EYS: variants seen among roughly 807,000 people sequenced by gnomAD.
EYS encodes EGF-like photoreceptor maintenance factor.
In EYS, 250 loss-of-function variants were observed where a neutral mutation model predicts 282.1. The observed-to-expected ratio is 0.89, with a 90% CI of 0.80 to 0.98. EYS has a LOEUF of 0.98. Ranked by LOEUF, EYS falls within the 50% of genes least tolerant of loss-of-function variation. The pLI is 0.00. For synonymous variants in EYS, 1,355 were observed against 1,282.9 expected (o/e 1.06, Z -1.20); for missense variants, 4,016 against 3,709.0 (o/e 1.08, Z -2.15).
At chr6:64,466,201 G>A (rs1392468132) in intron 26 of EYS, among the ~76,000 whole-genome samples, 1 of 151,872 alleles carries the variant, frequency 6.6e-6, no homozygotes, top group East Asian at 1.9e-4. Flanking sequence ...GGTTCCTCAA[G>A]AAAATAAAAA....
rs1452834451 is a variant in EYS at position 63,753,649 on chromosome 6, G to T, written c.8071+8812C>A. On this transcript the variant is annotated intron_variant, in intron 41 of 42. Coordinates refer to ENST00000503581, the MANE Select transcript of EYS (RefSeq NM_001142800.2). ...TAGCATGGGGAAAACTGCCCCACAT[G>T]ATCCAATCCCCTCCCTCCCTCTAGA... is the stretch of plus-strand genomic sequence containing the variant. Among the ~76,000 whole-genome samples the T allele has an allele frequency of 2.6e-5, 4 of 152,124 alleles. No homozygotes were observed. The East Asian group carries it at 7.7e-4, about 29-fold the overall frequency.
At chr6:63,732,296 T>C (rs1768801234) in intron 41 of EYS, among the ~76,000 whole-genome samples, 1 of 152,156 alleles carries the variant, frequency 6.6e-6, no homozygotes, top group African/African-American at 2.4e-5. Flanking sequence ...TACATATTTT[T>C]TATATAACAA....
intron 12 of EYS, among the ~76,000 whole-genome samples, chr6:65,071,862 T>C (rs534397546): frequency 1.1e-4 from 17 of 151,896 alleles, no homozygotes; most frequent in African/African-American, 4.1e-4. Flanking sequence ...GATGTTTAGG[T>C]TATGAGGTCT....
intron 2 of EYS, among the ~76,000 whole-genome samples, chr6:65,543,445 A>G (rs1213450423): frequency 6.7e-6 from 1 of 148,192 alleles, no homozygotes; most frequent in Non-Finnish European, 1.5e-5. Context: ...ATTATATATT[A>G]TGTATACTAT....
rs375857767 is a variant in EYS, at chr6:65,318,013, G to A, written c.1766+16967C>T. Among the ~76,000 whole-genome samples, 30 of 150,670 alleles carry A rather than the reference G, an allele frequency of 2.0e-4. No individual in the cohort carries two copies. The East Asian group carries it at 5.1e-3, about 26-fold the overall frequency. ...CTCCAGAGTAGCTGGGATGACAGGC[G>A]CCCGCCACCACGCCCAGCTAATTTT... On this transcript the variant is annotated intron_variant, in intron 11 of 42. Coordinates refer to ENST00000503581, the MANE Select transcript of EYS (RefSeq NM_001142800.2).
chr6:63,752,697 G>T (rs149531345), intron 41 of EYS, among the ~76,000 whole-genome samples: 1 of 151,552 alleles, frequency 6.6e-6, no homozygotes, highest in Non-Finnish European at 1.5e-5. Context: ...GGGTTTCACC[G>T]TGTTACCCAG....
chr6:65,266,112 G>C (rs1419039310), intron 12 of EYS, among the ~76,000 whole-genome samples: 1 of 151,834 alleles, frequency 6.6e-6, no homozygotes, highest in Non-Finnish European at 1.5e-5. Flanking sequence ...TGATAATATA[G>C]AGAGAATTTT....
At chr6:63,908,034 GTT>G (rs1562090543) in intron 35 of EYS, among the ~76,000 whole-genome samples, 3 of 43,260 alleles carry the variant, frequency 6.9e-5, no homozygotes, top group Non-Finnish European at 1.2e-4. Flanking sequence ...ATATATATAC[GTT>G]TGTGTGTGTG....
At chr6:64,802,274 A>G (rs1438121316) in intron 22 of EYS, among the ~76,000 whole-genome samples, 2 of 151,688 alleles carry the variant, frequency 1.3e-5, no homozygotes, top group African/African-American at 4.8e-5. Flanking sequence ...GATGGTCTCT[A>G]ACTCCTGACC....
chr6:65,105,210 T>G (rs1775001705), intron 12 of EYS, among the ~76,000 whole-genome samples: 1 of 151,846 alleles, frequency 6.6e-6, no homozygotes, highest in South Asian at 2.1e-4. Flanking sequence ...CATGCAAAAA[T>G]CAAACAATTT....
intron 5 of EYS, among the ~76,000 whole-genome samples, chr6:65,454,517 A>G (rs1394051225): frequency 6.6e-6 from 1 of 151,836 alleles, no homozygotes; most frequent in Non-Finnish European, 1.5e-5. Flanking sequence ...GATGTAATCA[A>G]ATTAGCCTAT....
intron 22 of EYS, among the ~76,000 whole-genome samples, chr6:64,778,664 T>G (rs550185224): frequency 6.6e-6 from 1 of 152,188 alleles, no homozygotes; most frequent in South Asian, 2.1e-4. Context: ...GAACTGGTAT[T>G]CAAAATATAC....
chr6:64,169,775 A>C (rs1272048350), intron 31 of EYS, among the ~76,000 whole-genome samples: 1 of 152,132 alleles, frequency 6.6e-6, no homozygotes, highest in African/African-American at 2.4e-5. Flanking sequence ...TGGATAGCTC[A>C]GCCTTCTCCT....
rs148075031 is a variant in EYS, at chr6:65,049,511, A to T, written c.2137+8103T>A. On this transcript the variant is annotated intron_variant, in intron 13 of 42. Coordinates refer to ENST00000503581, the MANE Select transcript of EYS (RefSeq NM_001142800.2). ...CATTTGAATAGATTTGAACAACCTGAAAAGCATATATAGTGAAAAAGTTTA... is the reference window on the plus strand; with the variant it reads ...CATTTGAATAGATTTGAACAACCTGTAAAGCATATATAGTGAAAAAGTTTA... Among the ~76,000 whole-genome samples, 806 of 151,944 alleles carry T rather than the reference A, an allele frequency of 5.3e-3. 7 individuals carry two copies. Among genetic ancestry groups the T allele is most frequent in the African/African-American group, 0.018 (746 of 41,530 alleles).
chr6:63,937,659 G>A (rs1248907651), intron 35 of EYS, among the ~76,000 whole-genome samples: 2 of 151,962 alleles, frequency 1.3e-5, no homozygotes, highest in Non-Finnish European at 2.9e-5. Flanking sequence ...GGGATTATAG[G>A]CGTGAGCCAC....
intron 8 of EYS, among the ~76,000 whole-genome samples, chr6:65,382,213 GTTTTTTT>G (rs67123749): frequency 9.5e-6 from 1 of 105,016 alleles, no homozygotes; most frequent in Non-Finnish European, 1.9e-5. Context: ...ATCCTTTGGT[GTTTTTTT>G]TTTTTTTTTT....
chr6:64,869,790 T>G (rs2150053298), intron 19 of EYS, among the ~76,000 whole-genome samples: 1 of 151,746 alleles, frequency 6.6e-6, no homozygotes, highest in Admixed American at 6.6e-5. Context: ...AGTTTTGACT[T>G]TATTCTAACA....
chr6:65,327,725 C>T (rs541304271), intron 11 of EYS, among the ~76,000 whole-genome samples: 32 of 151,384 alleles, frequency 2.1e-4, no homozygotes, highest in Non-Finnish European at 4.3e-4. Context: ...TTTACAAGAC[C>T]ACTATTTCTA....
chr6:64,093,091 G>C (rs1000540764), intron 31 of EYS, among the ~76,000 whole-genome samples: 14 of 151,828 alleles, frequency 9.2e-5, no homozygotes, highest in African/African-American at 2.2e-4. Context: ...TCTGAGGGCT[G>C]TGTTCTGTTC....
Sources: gnomAD v4.1 joint callset for allele counts (sites outside exome capture counted in the v4.1 genomes callset) on GRCh38, gnomAD v4.1.1 for gene constraint, MANE v1.5 for transcripts, NCBI Gene and HGNC (gene_info 2026-07-23, HGNC 2026-07-21) for gene names.